Variants in PRKAR2A observed in about 807,000 individuals in gnomAD.
PRKAR2A encodes the protein protein kinase cAMP-dependent type II regulatory subunit alpha.
In PRKAR2A, 29 loss-of-function variants were observed where a neutral mutation model predicts 51.9. The ratio of observed to expected loss-of-function variants is 0.56; its 90% confidence interval spans 0.42 to 0.76. PRKAR2A has a LOEUF of 0.76. Ranked by LOEUF, PRKAR2A falls within the 30% of genes least tolerant of loss-of-function variation. The pLI, the probability that PRKAR2A is intolerant of heterozygous loss-of-function variation, is 0.00. For synonymous variants in PRKAR2A, 178 were observed against 186.2 expected (o/e 0.96, Z 0.36); for missense variants, 445 against 512.1 (o/e 0.87, Z 1.26).
rs571225399 is a variant in PRKAR2A at position 48,805,713 on chromosome 3, T to TA, written c.298+1935dup. Among the ~76,000 whole-genome samples, 24 of 152,344 alleles carry TA rather than the reference T, an allele frequency of 1.6e-4. No individual in the cohort carries two copies. The East Asian group carries it at 4.4e-3, about 28-fold the overall frequency. ...GTGCACCTGGCACACGGTCTGCACT[T>TA]AAAAAATGTTACGTATTATTAAAGG... On this transcript the variant is annotated intron_variant, in intron 2 of 10. Transcript: ENST00000265563.
chr3:48,829,766 G>A (rs1259573731), intron 1 of PRKAR2A, among the ~76,000 whole-genome samples: 5 of 121,976 alleles, frequency 4.1e-5, no homozygotes, highest in Non-Finnish European at 6.7e-5. Flanking sequence ...ATATACATAC[G>A]TATATATACG....
At chr3:48,785,094 C>CTTT (rs34088103) in intron 4 of PRKAR2A, among the ~76,000 whole-genome samples, 9 of 137,396 alleles carry the variant, frequency 6.6e-5, no homozygotes, top group East Asian at 2.1e-4. Context: ...GGAAAATATT[C>CTTT]TTTTTTTTTT....
At chr3:48,824,718 G>A (rs146081959) in intron 1 of PRKAR2A, among the ~76,000 whole-genome samples, 4 of 151,964 alleles carry the variant, frequency 2.6e-5, no homozygotes, top group Non-Finnish European at 4.4e-5. Flanking sequence ...AGGGCGAGGC[G>A]GGAGGATCAC....
At chr3:48,829,407 T>C (rs1314856730) in intron 1 of PRKAR2A, among the ~76,000 whole-genome samples, 1 of 150,930 alleles carries the variant, frequency 6.6e-6, no homozygotes, top group Non-Finnish European at 1.5e-5. Flanking sequence ...TAGTCCCAGC[T>C]ACTTAGGAGG....
At chr3:48,829,867 ATATATTTTTTTTTT>A (rs1261882945) in intron 1 of PRKAR2A, among the ~76,000 whole-genome samples, 1 of 79,624 alleles carries the variant, frequency 1.3e-5, no homozygotes, top group East Asian at 5.7e-4. Context: ...ATATATATAT[ATATATTTTTTTTTT>A]TTTTTTAAGC....
intron 2 of PRKAR2A, among the ~76,000 whole-genome samples, chr3:48,800,352 A>C (rs2082567684): frequency 6.6e-6 from 1 of 151,126 alleles, no homozygotes; most frequent in Admixed American, 6.6e-5. Flanking sequence ...GTCTCTACTA[A>C]AAATACAAAA....
intron 6 of PRKAR2A, among the ~76,000 whole-genome samples, chr3:48,766,522 C>T (rs960274848): frequency 1.3e-5 from 2 of 150,652 alleles, no homozygotes; most frequent in Admixed American, 6.6e-5. Flanking sequence ...GCTGAGATTG[C>T]GCCACTGCAC....
At chr3:48,831,318 T>A (rs938871097) in intron 1 of PRKAR2A, among the ~76,000 whole-genome samples, 1 of 152,058 alleles carries the variant, frequency 6.6e-6, no homozygotes, top group Non-Finnish European at 1.5e-5. Flanking sequence ...CTGTATAACA[T>A]TGCAAACTGA....
intron 1 of PRKAR2A, among the ~76,000 whole-genome samples, chr3:48,814,146 G>T (rs552645416): frequency 6.6e-6 from 1 of 152,218 alleles, no homozygotes; most frequent in South Asian, 2.1e-4. Context: ...TACTCAGGAG[G>T]CTGAGGCAGG....
chr3:48,796,080 T>C (rs1054800145), intron 2 of PRKAR2A, among the ~76,000 whole-genome samples: 2 of 152,202 alleles, frequency 1.3e-5, no homozygotes, highest in East Asian at 1.9e-4. Flanking sequence ...AATGAACTAG[T>C]TGTGATTACT....
In PRKAR2A at chr3:48,840,331, C is replaced by T. The variant is rs1015451749; in HGVS notation, c.262+7004G>A. ...CTAACATGGTGAAACCCCGTCTCTACTAAAAATACAAAAACTAGCCAGGCA... is the reference window on the plus strand; with the variant it reads ...CTAACATGGTGAAACCCCGTCTCTATTAAAAATACAAAAACTAGCCAGGCA... On this transcript the variant is annotated intron_variant, in intron 1 of 10. Coordinates refer to ENST00000265563, the MANE Select transcript of PRKAR2A (RefSeq NM_004157.4). Among the ~76,000 whole-genome samples the T allele has an allele frequency of 3.3e-5, 5 of 151,712 alleles. No homozygotes were observed. In the South Asian group the frequency reaches 1.0e-3, roughly 32 times the overall value.
intron 9 of PRKAR2A, among the ~76,000 whole-genome samples, chr3:48,755,935 T>G (rs1419604792): frequency 6.6e-6 from 1 of 152,038 alleles, no homozygotes; most frequent in Non-Finnish European, 1.5e-5. Flanking sequence ...CCCGCCACCA[T>G]GCCTGGCTAA....
Position 48,794,048 on chromosome 3 carries a change from G to C in PRKAR2A, c.300C>G (p.Val100=). ...VPSRFNRRVS[V]CAETYNPDEE... is the part of the protein sequence containing the mutation. ...CATCAGGGTTATAGGTCTCAGCACA[G>C]ACTAAAATTGGAGAGAAAAAAACAA... is the stretch of plus-strand genomic sequence containing the variant. The change falls in exon 3 of 11, where the codon GTC becomes GTG. Residue 100 remains valine (V), a splice_region_variant and synonymous_variant. Coordinates refer to ENST00000265563, the MANE Select transcript of PRKAR2A (RefSeq NM_004157.4). 1 of 1,599,402 alleles carries C rather than the reference G, an allele frequency of 6.3e-7. No individual in the cohort carries two copies.
At chr3:48,781,173 C>T (rs961430224) in intron 5 of PRKAR2A, among the ~76,000 whole-genome samples, 1 of 139,228 alleles carries the variant, frequency 7.2e-6, no homozygotes, top group African/African-American at 2.7e-5. Flanking sequence ...TTTAGTAGAG[C>T]TGGGGTTTCA....
At chr3:48,795,850 C>T (rs1371756655) in intron 2 of PRKAR2A, among the ~76,000 whole-genome samples, 1 of 152,132 alleles carries the variant, frequency 6.6e-6, no homozygotes, top group Non-Finnish European at 1.5e-5. Flanking sequence ...TTCCAAAACT[C>T]TATGTGTATT....
rs1300992253 is a variant in PRKAR2A at position 48,793,986 on chromosome 3, T to C, written c.351+11A>G. 1.3e-6 allele frequency: 2 copies of C among 1,586,214 alleles called. No homozygotes were observed. The highest frequency in any genetic ancestry group is 1.7e-6 in the Non-Finnish European group (2 of 1,155,038). Reference sequence around the variant, plus strand: ...AACAATTCTACCTAACATCTTTGCTTTGGGTCTTACCCTTGGATCTGTATC... The same window carrying C: ...AACAATTCTACCTAACATCTTTGCTCTGGGTCTTACCCTTGGATCTGTATC... On this transcript the variant is annotated intron_variant, in intron 3 of 10. Transcript: ENST00000265563.
chr3:48,762,073 TGA>T (rs2081870419), intron 8 of PRKAR2A, among the ~76,000 whole-genome samples: 4 of 152,196 alleles, frequency 2.6e-5, no homozygotes, highest in Admixed American at 6.6e-5. Context: ...GAAGAAAAGA[TGA>T]TAAACTGGAC....
chr3:48,780,429 C>CCA (rs2082174955), intron 5 of PRKAR2A, among the ~76,000 whole-genome samples: 1 of 151,590 alleles, frequency 6.6e-6, no homozygotes, highest in African/African-American at 2.4e-5. Flanking sequence ...TGGTGAAACT[C>CCA]CATCTCTACT....
intron 1 of PRKAR2A, among the ~76,000 whole-genome samples, chr3:48,842,598 A>G (rs1368067890): frequency 6.6e-6 from 1 of 152,136 alleles, no homozygotes; most frequent in African/African-American, 2.4e-5. Context: ...ATCAATACCT[A>G]ATTTATTGAG....
Sources: gnomAD v4.1 joint callset for allele counts (sites outside exome capture counted in the v4.1 genomes callset) on GRCh38, gnomAD v4.1.1 for gene constraint, MANE v1.5 for transcripts, NCBI Gene and HGNC (gene_info 2026-07-23, HGNC 2026-07-21) for gene names.